Variants in CAPN1 observed in about 807,000 individuals in gnomAD.
The protein encoded by CAPN1 is calpain-1 catalytic subunit.
Under a neutral mutation model 105.2 loss-of-function variants are expected in CAPN1, and 77 were observed. The ratio of observed to expected loss-of-function variants is 0.73; its 90% CI spans 0.61 to 0.88. The LOEUF (loss-of-function observed/expected upper bound fraction) is 0.88. Ranked by LOEUF, CAPN1 falls within the 40% of genes least tolerant of loss-of-function variation. The pLI, the probability that CAPN1 is intolerant of heterozygous loss-of-function variation, is 0.00. For synonymous variants in CAPN1, 355 were observed against 388.8 expected (o/e 0.91, Z 1.02); for missense variants, 833 against 976.6 (o/e 0.85, Z 1.96).
Position 65,210,320 on chromosome 11 carries a change from C to T in CAPN1, c.1943-16C>T. 5.1e-6 allele frequency: 8 copies of T among 1,578,614 alleles called. No homozygotes were observed. Among genetic ancestry groups the T allele is most frequent in the Non-Finnish European group, 7.0e-6 (8 of 1,150,756 alleles). On this transcript the variant is annotated splice_polypyrimidine_tract_variant and intron_variant, in intron 19 of 21. Transcript: ENST00000279247. This position sits in a 1 kb window ranked among gnomAD's most constrained non-coding sequence, Gnocchi z 4.3. ...GGGCTGCGCCTCACTGACCTTCACT[C>T]ACTCTCCTGGACCAGGCTTCAAGCT...
intron 10 of CAPN1, among the ~76,000 whole-genome samples, chr11:65,197,199 G>T (rs1948803263): frequency 7.5e-6 from 1 of 132,890 alleles, no homozygotes; most frequent in Non-Finnish European, 1.7e-5. Flanking sequence ...TTATTGTTTT[G>T]TCTGCTTAAT....
Position 65,210,406 on chromosome 11 carries a change from C to A in CAPN1, c.2013C>A (p.Asp671Glu), listed in dbSNP as rs530741740. 1 of 1,613,362 alleles carries A rather than the reference C, an allele frequency of 6.2e-7. No individual in the cohort carries two copies. Among genetic ancestry groups the A allele is most frequent in the African/African-American group, 1.3e-5 (1 of 75,046 alleles). ...ACTCGGAGCCCGACCTGGCGGTCGA[C>A]TTTGACAATTTCGTTTGCTGCCTGG... is the stretch of plus-strand genomic sequence containing the variant. ...TRYSEPDLAV[D>E]FDNFVCCLVR... Residue 671 changes from aspartate (D) to glutamate (E), a missense_variant, in exon 20 of 22, where the codon GAC becomes GAA. Coordinates refer to ENST00000279247, the MANE Select transcript of CAPN1 (RefSeq NM_005186.4). The surrounding 1 kb of genome is among the most constrained non-coding windows in gnomAD (Gnocchi z 4.3).
chr11:65,191,281 T>C (rs1354574325), intron 10 of CAPN1, among the ~76,000 whole-genome samples: 1 of 152,210 alleles, frequency 6.6e-6, no homozygotes, highest in Non-Finnish European at 1.5e-5. Context: ...TATAATTTTG[T>C]TTCTATTATA....
intron 10 of CAPN1, among the ~76,000 whole-genome samples, chr11:65,202,980 A>G (rs1948893544): frequency 6.6e-6 from 1 of 152,174 alleles, no homozygotes; most frequent in Non-Finnish European, 1.5e-5. Context: ...ACAGGATCAT[A>G]TAATACATGG....
intron 10 of CAPN1, among the ~76,000 whole-genome samples, chr11:65,194,249 G>A (rs891720168): frequency 2.0e-5 from 3 of 152,072 alleles, no homozygotes; most frequent in African/African-American, 7.2e-5. Context: ...GATTATAGGC[G>A]TGAGCCACCA....
In CAPN1 at chr11:65,188,320, G is replaced by A; in HGVS notation, c.930-94G>A. 8.5e-7 allele frequency: 1 copy of A among 1,179,828 alleles called. No homozygotes were observed. 73.1% of individuals were successfully genotyped at this position (1,179,828 alleles called of 1,614,324 possible). On this transcript the variant is annotated intron_variant, in intron 8 of 21. Coordinates refer to ENST00000279247, the MANE Select transcript of CAPN1 (RefSeq NM_005186.4). The surrounding 1 kb of genome is among the most constrained non-coding windows in gnomAD (Gnocchi z 5.5). ...ACCTTGAGGAGGCCACCTGGGCTGG[G>A]CCGGGGGAAGACAGGCCAGGGTAGA...
chr11:65,195,471 A>G (rs1948781372), intron 10 of CAPN1, among the ~76,000 whole-genome samples: 1 of 152,168 alleles, frequency 6.6e-6, no homozygotes, highest in African/African-American at 2.4e-5. Flanking sequence ...CTTTTTGTGC[A>G]TCAATTGAGA....
Position 65,209,698 on chromosome 11 carries a change from C to G in CAPN1, c.1795-151C>G. The G allele has an allele frequency of 2.6e-6, 2 of 765,132 alleles. No individual in the cohort carries two copies. Among genetic ancestry groups the G allele is most frequent in the Non-Finnish European group, 4.4e-6 (2 of 457,796 alleles). The allele number at this position is 765,132 out of a possible 1,614,324, so 47.4% of individuals were successfully genotyped here. A position where few individuals can be genotyped will look rare whatever the true frequency, so the allele number is the denominator to read the frequency against. On this transcript the variant is annotated intron_variant, in intron 17 of 21. Coordinates refer to ENST00000279247, the MANE Select transcript of CAPN1 (RefSeq NM_005186.4). This position sits in a 1 kb window ranked among gnomAD's most constrained non-coding sequence, Gnocchi z 4.1. The stretch of plus-strand genomic sequence containing the variant: ...AGCTCAGAGAATAAGGCAAGCCCGG[C>G]TGTGGGCTGACTGTACATGGCTTTT...
chr11:65,196,765 T>A (rs1303770150), intron 10 of CAPN1, among the ~76,000 whole-genome samples: 1 of 152,164 alleles, frequency 6.6e-6, no homozygotes, highest in Non-Finnish European at 1.5e-5. Flanking sequence ...CATAAAAAAA[T>A]TTCTAACTTA....
rs1265543503 is a variant in CAPN1, at chr11:65,194,393, T to C, written c.1165+5647T>C. ...CTTTTAAGTACATCGTTAATTAAGT[T>C]ACACAATTTTGATACATAGTGTTTT... On this transcript the variant is annotated intron_variant, in intron 10 of 21. Transcript: ENST00000279247. Among the ~76,000 whole-genome samples the C allele has an allele frequency of 1.3e-5, 2 of 152,250 alleles. 1 individual carries two copies. Among genetic ancestry groups the C allele is most frequent in the Middle Eastern group, 6.3e-3 (2 of 316 alleles).
intron 10 of CAPN1, among the ~76,000 whole-genome samples, chr11:65,202,731 C>CCG: frequency 6.6e-6 from 1 of 152,142 alleles, no homozygotes; most frequent in Non-Finnish European, 1.5e-5. Context: ...GTGTGAGCCA[C>CCG]TGCACCTGGC....
intron 10 of CAPN1, among the ~76,000 whole-genome samples, chr11:65,192,827 G>A (rs948141288): frequency 4.0e-5 from 6 of 151,580 alleles, no homozygotes; most frequent in South Asian, 4.2e-4. Context: ...GGCTTATCTC[G>A]AATTCCTGGG....
intron 10 of CAPN1, 84 bp from the exon 11 acceptor site, chr11:65,204,599 C>G: frequency 1.7e-6 from 2 of 1,208,018 alleles, no homozygotes; most frequent in South Asian, 2.6e-5. Context: ...TGAATGCGTG[C>G]ACAGGGACGT....
chr11:65,184,883 C>A (rs1036186189), intron 4 of CAPN1, among the ~76,000 whole-genome samples: 3 of 152,132 alleles, frequency 2.0e-5, no homozygotes, highest in African/African-American at 7.2e-5. Context: ...AAGAAGGCAC[C>A]GCTGCTCCTT....
rs900318602 is a variant in CAPN1 at position 65,185,254 on chromosome 11, G to A, written c.457-663G>A. Among the ~76,000 whole-genome samples, 7 of 151,878 alleles carry A rather than the reference G, an allele frequency of 4.6e-5. No individual in the cohort carries two copies. In the East Asian group the frequency reaches 5.8e-4, roughly 13 times the overall value. Reference sequence around the variant, plus strand: ...GAGGTTACAGGAAGAATGGGGGCTCGAACATGGCCAAAACCAGTTTCTGGT... The same window carrying A: ...GAGGTTACAGGAAGAATGGGGGCTCAAACATGGCCAAAACCAGTTTCTGGT... On this transcript the variant is annotated intron_variant, in intron 4 of 21. Coordinates refer to ENST00000279247, the MANE Select transcript of CAPN1 (RefSeq NM_005186.4).
chr11:65,183,504 C>G lies in CAPN1; in HGVS notation c.368C>G (p.Ser123Cys), dbSNP rs1171372208. The stretch of plus-strand genomic sequence containing the variant: ...TGCTGGCTCTTGGCGGCCATCGCCT[C>G]CCTCACTCTCAACGACACCCTCCTG... The part of the protein sequence containing the change: ...GDCWLLAAIA[S>C]LTLNDTLLHR... Residue 123 changes from serine to cysteine, a missense_variant, in exon 4 of 22, where the codon TCC becomes TGC. By Grantham distance (112) the Ser-to-Cys change is moderately radical. Transcript: ENST00000279247. 1 of 1,613,846 alleles carries G rather than the reference C, an allele frequency of 6.2e-7. No homozygotes were observed. The highest frequency in any genetic ancestry group is 1.1e-5 in the South Asian group (1 of 91,080).
intron 4 of CAPN1, 128 bp downstream of exon 4, chr11:65,183,720 C>T (rs1948588745): frequency 1.5e-6 from 1 of 659,004 alleles, no homozygotes; most frequent in Non-Finnish European, 2.7e-6. Context: ...TTTGACCTCT[C>T]AGTGCCATCT....
intron 4 of CAPN1, 156 bp downstream of exon 4, chr11:65,183,748 A>C: frequency 1.7e-6 from 1 of 605,564 alleles, no homozygotes; most frequent in Non-Finnish European, 3.0e-6. Flanking sequence ...GTCATGTGTG[A>C]AGTGACTGGG....
At chr11:65,181,598 C>T, upstream of CAPN1, 1 of 414,628 alleles carries the variant, frequency 2.4e-6, no homozygotes, top group Admixed American at 2.6e-5. The surrounding 1 kb of genome is among the most constrained non-coding windows in gnomAD (Gnocchi z 4.6). Context: ...CGAGCTGCTG[C>T]CCCTGGTTAA....
Sources: allele counts gnomAD v4.1 joint callset (sites outside exome capture counted in the v4.1 genomes callset), GRCh38; gene constraint gnomAD v4.1.1; non-coding constraint Gnocchi (gnomAD v3.1); transcripts MANE v1.5; gene names NCBI Gene and HGNC (gene_info 2026-07-23, HGNC 2026-07-21).